The following MRPS28 variants were observed in gnomAD, a reference collection of about 807,000 sequenced individuals.
MRPS28 encodes small ribosomal subunit protein bS1m.
Under a neutral mutation model 10.8 loss-of-function variants are expected in MRPS28, and 7 were observed. That is an observed-to-expected ratio of 0.65 (90% CI 0.37 to 1.22). The LOEUF is 1.22. Ranked by LOEUF, MRPS28 falls within the 50% of genes most tolerant of loss-of-function variation. The probability of loss-of-function intolerance (pLI) is 0.02; values close to 1 mark genes in which losing one functional copy is unlikely to be tolerated. For missense variants in MRPS28, 265 were observed against 232.9 expected (o/e 1.14, Z -0.90); for synonymous variants, 121 against 93.3 (o/e 1.30, Z -1.71).
At chr8:79,965,745 G>C (rs1807488379) in intron 2 of MRPS28, among the ~76,000 whole-genome samples, 1 of 152,006 alleles carries the variant, frequency 6.6e-6, no homozygotes, top group Non-Finnish European at 1.5e-5. Flanking sequence ...ACTGCTTTGA[G>C]AGTAGATGCT....
chr8:79,990,046 G>A (rs932270276), intron 2 of MRPS28, among the ~76,000 whole-genome samples: 26 of 152,044 alleles, frequency 1.7e-4, no homozygotes, highest in Admixed American at 7.9e-4. Flanking sequence ...CTGTAGTCCC[G>A]GCTACTCAGG....
At chr8:79,982,084 T>C (rs926921574) in intron 2 of MRPS28, among the ~76,000 whole-genome samples, 4 of 151,982 alleles carry the variant, frequency 2.6e-5, no homozygotes, top group Non-Finnish European at 5.9e-5. Context: ...CCATCTCTAC[T>C]AAAAGTACAA....
Position 79,987,568 on chromosome 8 carries a change from A to G in MRPS28, c.395+15431T>C, listed in dbSNP as rs549405783. ...TATCCAGAATCTACAATGAACTCAA[A>G]CAAATTTACAAGAAAAAATCAAACA... On this transcript the variant is annotated intron_variant, in intron 2 of 2. Transcript: ENST00000276585. Among the ~76,000 whole-genome samples the G allele has an allele frequency of 3.7e-4, 56 of 152,340 alleles. No individual in the cohort carries two copies. In the South Asian group the frequency reaches 0.011, roughly 30 times the overall value.
intron 2 of MRPS28, among the ~76,000 whole-genome samples, chr8:79,941,891 A>G (rs1391659816): frequency 6.6e-6 from 1 of 152,222 alleles, no homozygotes; most frequent in African/African-American, 2.4e-5. Context: ...ATTAAGATGA[A>G]AAAATGGTTT....
chr8:79,945,276 GC>G (rs1806880203), intron 2 of MRPS28, among the ~76,000 whole-genome samples: 1 of 152,040 alleles, frequency 6.6e-6, no homozygotes, highest in South Asian at 2.1e-4. Context: ...GCACCATAAG[GC>G]AATGTATTTA....
intron 2 of MRPS28, among the ~76,000 whole-genome samples, chr8:80,000,762 T>C (rs1455268219): frequency 6.6e-6 from 1 of 152,144 alleles, no homozygotes; most frequent in African/African-American, 2.4e-5. Context: ...TGGTGGTACA[T>C]GTCTGTAAGT....
intron 2 of MRPS28, among the ~76,000 whole-genome samples, chr8:79,973,520 C>T (rs971550044): frequency 1.3e-5 from 2 of 152,118 alleles, no homozygotes; most frequent in African/African-American, 2.4e-5. Flanking sequence ...AATTAAAAAG[C>T]CAGCACATTA....
In MRPS28 at chr8:80,003,072, C is replaced by T; in HGVS notation, c.322G>A (p.Val108Met). The T allele has an allele frequency of 6.2e-7, 1 of 1,613,680 alleles. No homozygotes were observed. Residue 108 changes from valine (V) to methionine (M), a missense_variant, in exon 2 of 3, where the codon GTG becomes ATG. Val to Met is a conservative substitution (Grantham distance 21). Coordinates refer to ENST00000276585, the MANE Select transcript of MRPS28 (RefSeq NM_014018.3). ...AAATCTATGTACAGATCATTCTCCA[C>T]AATATGAAAGATCCGTCCAATGACC... is the stretch of plus-strand genomic sequence containing the variant. Reference protein sequence around the residue: ...KLVIGRIFHIVENDLYIDFGG... With the variant: ...KLVIGRIFHIMENDLYIDFGG...
At chr8:80,008,610 G>A (rs1808935102) in intron 1 of MRPS28, among the ~76,000 whole-genome samples, 1 of 152,132 alleles carries the variant, frequency 6.6e-6, no homozygotes, top group Admixed American at 6.6e-5. Flanking sequence ...AAAAGTGGGT[G>A]AAGGATATGA....
intron 2 of MRPS28, among the ~76,000 whole-genome samples, chr8:79,919,937 T>C (rs1482615577): frequency 2.0e-5 from 2 of 102,242 alleles, no homozygotes; most frequent in Non-Finnish European, 3.8e-5. Flanking sequence ...CCTAATGCTA[T>C]CCCTCCCCCC....
At chr8:79,940,830 AC>A (rs1360837730) in intron 2 of MRPS28, among the ~76,000 whole-genome samples, 7 of 152,236 alleles carry the variant, frequency 4.6e-5, no homozygotes, top group African/African-American at 1.7e-4. Flanking sequence ...CAAGCAGTCT[AC>A]AGTACCCCTG....
intron 2 of MRPS28, among the ~76,000 whole-genome samples, chr8:79,982,570 G>A (rs879785024): frequency 3.3e-5 from 5 of 152,172 alleles, no homozygotes; most frequent in African/African-American, 7.2e-5. Context: ...CTAATACTGC[G>A]CTTTTCCGAC....
intron 2 of MRPS28, among the ~76,000 whole-genome samples, chr8:79,970,428 C>T (rs1026406499): frequency 1.3e-5 from 2 of 152,190 alleles, no homozygotes; most frequent in Non-Finnish European, 2.9e-5. Flanking sequence ...TATACCAACA[C>T]AGAGGATAGT....
In MRPS28 at chr8:79,988,271, G is replaced by A. The variant is rs1306546917; in HGVS notation, c.395+14728C>T. Among the ~76,000 whole-genome samples, 6 of 110,412 alleles carry A rather than the reference G, an allele frequency of 5.4e-5. No individual in the cohort carries two copies. The South Asian group carries it at 1.1e-3, about 20-fold the overall frequency. 72.4% of individuals were successfully genotyped at this position (110,412 alleles called of 152,430 possible). A position where few individuals can be genotyped will look rare whatever the true frequency, so the allele number is the denominator to read the frequency against. On this transcript the variant is annotated intron_variant, in intron 2 of 2. Coordinates refer to ENST00000276585, the MANE Select transcript of MRPS28 (RefSeq NM_014018.3). ...GGAACATCACACTCTGGGGACTATCGTGGGGTGGGGGGAGGGGGGAGGGAT... is the reference window on the plus strand; with the variant it reads ...GGAACATCACACTCTGGGGACTATCATGGGGTGGGGGGAGGGGGGAGGGAT...
At chr8:80,018,345 G>A (rs1313514150) in intron 1 of MRPS28, among the ~76,000 whole-genome samples, 6 of 143,880 alleles carry the variant, frequency 4.2e-5, no homozygotes, top group Middle Eastern at 3.8e-3. Flanking sequence ...GACCTTTCTC[G>A]AAAGAAGACA....
At chr8:79,951,151 C>T (rs1034557004) in intron 2 of MRPS28, among the ~76,000 whole-genome samples, 2 of 152,162 alleles carry the variant, frequency 1.3e-5, no homozygotes, top group African/African-American at 4.8e-5. Context: ...ACTTGAAACT[C>T]TTAATAATTT....
intron 2 of MRPS28, among the ~76,000 whole-genome samples, chr8:79,993,728 CT>C (rs746530410): frequency 3.9e-5 from 6 of 152,020 alleles, no homozygotes; most frequent in African/African-American, 9.7e-5. Flanking sequence ...AACATGCATG[CT>C]TTTTTAATGT....
chr8:80,008,897 C>A (rs1238732042), intron 1 of MRPS28, among the ~76,000 whole-genome samples: 1 of 152,184 alleles, frequency 6.6e-6, no homozygotes, highest in African/African-American at 2.4e-5. Flanking sequence ...ACTAGAAATA[C>A]CATTTGACCC....
intron 2 of MRPS28, among the ~76,000 whole-genome samples, chr8:79,971,446 T>C (rs1807631044): frequency 6.6e-6 from 1 of 152,178 alleles, no homozygotes; most frequent in Non-Finnish European, 1.5e-5. Flanking sequence ...CACAATTTTT[T>C]AACATTTGTA....
Sources: allele counts gnomAD v4.1 joint callset (sites outside exome capture counted in the v4.1 genomes callset), GRCh38; gene constraint gnomAD v4.1.1; transcripts MANE v1.5; gene names NCBI Gene and HGNC (gene_info 2026-07-23, HGNC 2026-07-21).